DOCK4: variants seen among roughly 807,000 people sequenced by gnomAD.
DOCK4 encodes the protein dedicator of cytokinesis 4, also known as dedicator of cytokinesis protein 4.
DOCK4 carries 97 observed loss-of-function variants against 268.1 expected under a neutral mutation model. That is an observed-to-expected ratio of 0.36 (90% CI 0.31 to 0.43). The LOEUF is 0.43. DOCK4 is among the 20% of genes least tolerant of loss of function. DOCK4 has a pLI of 1.00. For synonymous variants in DOCK4, 954 were observed against 887.2 expected (o/e 1.08, Z -1.34); for missense variants, 2,145 against 2,455.7 (o/e 0.87, Z 2.67).
intron 1 of DOCK4, among the ~76,000 whole-genome samples, chr7:112,071,517 C>T (rs544557066): frequency 7.2e-5 from 11 of 152,010 alleles, no homozygotes; most frequent in Admixed American, 2.6e-4. Flanking sequence ...TATTCTGCCA[C>T]GAGAATGCAA....
intron 42 of DOCK4, among the ~76,000 whole-genome samples, chr7:111,752,987 CAA>C (rs372569807): frequency 0.012 from 1,365 of 112,672 alleles, 35 homozygotes; most frequent in African/African-American, 0.045. Flanking sequence ...GATATCTTAA[CAA>C]AAGTTGATAA....
At chr7:112,094,473 G>A (rs746893382) in intron 1 of DOCK4, among the ~76,000 whole-genome samples, 3 of 152,134 alleles carry the variant, frequency 2.0e-5, no homozygotes, top group Non-Finnish European at 2.9e-5. Flanking sequence ...AATTGGAAAA[G>A]AATACTTTTC....
intron 6 of DOCK4, 83 bp from the exon 7 acceptor site, chr7:111,984,473 T>C: frequency 8.4e-7 from 1 of 1,191,092 alleles, no homozygotes; most frequent in Non-Finnish European, 1.2e-6. Flanking sequence ...ACTATATCAC[T>C]TGGAAATTAG....
chr7:111,875,139 G>C (rs1806748455), intron 17 of DOCK4, among the ~76,000 whole-genome samples: 1 of 152,138 alleles, frequency 6.6e-6, no homozygotes, highest in African/African-American at 2.4e-5. Flanking sequence ...TCATTGACAA[G>C]GTTAATCAAA....
chr7:111,915,775 C>T lies in DOCK4; in HGVS notation c.1192+4G>A. 3 of 1,612,796 alleles carry T rather than the reference C, an allele frequency of 1.9e-6. No homozygotes were observed. In the South Asian group the frequency reaches 3.3e-5, roughly 18 times the overall value. On this transcript the variant is annotated splice_donor_region_variant and intron_variant, in intron 13 of 52. Transcript: ENST00000428084. ...ATCATATCGGTACGTCCCAAGTCAC[C>T]TACCAGGCATAATAATATTTGAAAA...
At chr7:112,014,762 A>G (rs6977854) in intron 1 of DOCK4, among the ~76,000 whole-genome samples, 52,803 of 152,036 alleles carry the variant, frequency 0.35, 10,146 homozygotes, top group Non-Finnish European at 0.45. Context: ...AAAATAAGCC[A>G]GGCGTGGTGG....
intron 17 of DOCK4, among the ~76,000 whole-genome samples, chr7:111,873,559 C>A (rs1210231736): frequency 6.6e-6 from 1 of 152,124 alleles, no homozygotes; most frequent in Non-Finnish European, 1.5e-5. Flanking sequence ...TACTTCAAAT[C>A]ACTTGTTTTA....
intron 7 of DOCK4, among the ~76,000 whole-genome samples, chr7:111,980,991 T>C (rs372124593): frequency 2.0e-5 from 3 of 152,362 alleles, no homozygotes; most frequent in African/African-American, 7.2e-5. Context: ...CTGTGCGGTT[T>C]AGCACTTTTA....
rs148971751 is a variant in DOCK4 at position 112,108,216 on chromosome 7, G to A, written c.37+97886C>T. ...CCTGCAAGCTATCCTGAACCCTAAA[G>A]AGCTTGCAAAAATAAATACCACTCT... is the stretch of plus-strand genomic sequence containing the variant. On this transcript the variant is annotated intron_variant, in intron 1 of 52. Transcript: ENST00000428084. Among the ~76,000 whole-genome samples, 197 of 152,074 alleles carry A rather than the reference G, an allele frequency of 1.3e-3. 1 individual carries two copies. The highest frequency in any genetic ancestry group is 4.7e-3 in the African/African-American group (193 of 41,496).
chr7:111,994,505 C>T (rs7797712), intron 4 of DOCK4, among the ~76,000 whole-genome samples: 3,442 of 152,224 alleles, frequency 0.023, 108 homozygotes, highest in East Asian at 0.12. Flanking sequence ...TACCAGTTCA[C>T]GACTAGGCAG....
chr7:111,861,267 C>T (rs985509046), intron 23 of DOCK4, among the ~76,000 whole-genome samples: 3 of 151,792 alleles, frequency 2.0e-5, no homozygotes, highest in South Asian at 2.1e-4. Flanking sequence ...TGGGAGAAAT[C>T]GGAAGGTTGA....
At chr7:112,176,366 C>T (rs977060532) in intron 1 of DOCK4, among the ~76,000 whole-genome samples, 4 of 152,144 alleles carry the variant, frequency 2.6e-5, no homozygotes, top group African/African-American at 4.8e-5. Flanking sequence ...TCCATGAACC[C>T]GTCTACAGGT....
chr7:111,920,178 C>T (rs146951932), intron 12 of DOCK4, among the ~76,000 whole-genome samples: 20 of 151,932 alleles, frequency 1.3e-4, no homozygotes, highest in East Asian at 1.2e-3. Context: ...TCACAGGAGA[C>T]GAAGTTTCAG....
intron 1 of DOCK4, among the ~76,000 whole-genome samples, chr7:112,165,913 G>A (rs945982641): frequency 3.3e-5 from 5 of 151,896 alleles, no homozygotes; most frequent in South Asian, 2.1e-4. Flanking sequence ...GACATCCCTC[G>A]CCCCCTCCAA....
intron 1 of DOCK4, among the ~76,000 whole-genome samples, chr7:112,076,458 C>T (rs145692696): frequency 1.4e-4 from 21 of 152,174 alleles, no homozygotes; most frequent in African/African-American, 5.1e-4. Context: ...GCTTAGAACA[C>T]CTTGGCACAC....
chr7:111,832,842 G>T (rs1224818450), intron 26 of DOCK4, among the ~76,000 whole-genome samples: 1 of 152,204 alleles, frequency 6.6e-6, no homozygotes, highest in Non-Finnish European at 1.5e-5. Context: ...TTTAAAGAGG[G>T]TAATATAATT....
intron 42 of DOCK4, among the ~76,000 whole-genome samples, chr7:111,749,442 T>C (rs1483019111): frequency 1.3e-5 from 2 of 152,190 alleles, no homozygotes; most frequent in Non-Finnish European, 2.9e-5. Context: ...ACAATGTATA[T>C]ATAGTTAACA....
At chr7:111,930,182 A>G (rs1379241050) in intron 12 of DOCK4, among the ~76,000 whole-genome samples, 2 of 152,234 alleles carry the variant, frequency 1.3e-5, no homozygotes, top group Non-Finnish European at 2.9e-5. Flanking sequence ...CAAACTACTC[A>G]ACCTAACTAT....
At chr7:111,972,233 T>C (rs1238860142) in intron 8 of DOCK4, among the ~76,000 whole-genome samples, 1 of 152,174 alleles carries the variant, frequency 6.6e-6, no homozygotes, top group Non-Finnish European at 1.5e-5. Flanking sequence ...AGACAAATAC[T>C]GAAGTGCTTA....
Sources: gnomAD v4.1 joint callset for allele counts (sites outside exome capture counted in the v4.1 genomes callset) on GRCh38, gnomAD v4.1.1 for gene constraint, MANE v1.5 for transcripts, NCBI Gene and HGNC (gene_info 2026-07-23, HGNC 2026-07-21) for gene names.